The following DEFB1 variants were observed in gnomAD, a reference collection of about 807,000 sequenced individuals.
DEFB1 encodes beta-defensin 1.
DEFB1 carries 4 observed loss-of-function variants against 2.6 expected under a neutral mutation model. That is an observed-to-expected ratio of 1.53 (90% CI 0.76 to 3.51). DEFB1 has a LOEUF of 3.51. Ranked by LOEUF, DEFB1 falls within the 30% of genes most tolerant of loss-of-function variation. The pLI is 0.01. For synonymous variants in DEFB1, 56 were observed against 28.5 expected (o/e 1.96, Z -3.07); for missense variants, 162 against 76.9 (o/e 2.11, Z -4.14).
At chr8:6,874,414 T>C (rs1011572522) in intron 1 of DEFB1, among the ~76,000 whole-genome samples, 2 of 152,244 alleles carry the variant, frequency 1.3e-5, no homozygotes, top group Non-Finnish European at 2.9e-5. Flanking sequence ...CCAGAGGTTC[T>C]AATTTGACAA....
intron 1 of DEFB1, among the ~76,000 whole-genome samples, chr8:6,877,166 G>A (rs1176138990): frequency 6.6e-6 from 1 of 152,164 alleles, no homozygotes; most frequent in Non-Finnish European, 1.5e-5. Flanking sequence ...GATTCCTCCT[G>A]CACGTCCCAC....
At chr8:6,876,252 G>A (rs1267259437) in intron 1 of DEFB1, among the ~76,000 whole-genome samples, 1 of 152,118 alleles carries the variant, frequency 6.6e-6, no homozygotes, top group Non-Finnish European at 1.5e-5. Context: ...GGAGGCAGGC[G>A]GACCATGAGG....
intron 1 of DEFB1, among the ~76,000 whole-genome samples, chr8:6,871,327 G>C (rs1008184779): frequency 6.6e-6 from 1 of 152,014 alleles, no homozygotes; most frequent in Non-Finnish European, 1.5e-5. Context: ...GTTTCACATC[G>C]GGCTGAAATT....
chr8:6,877,010 A>G (rs760900601), intron 1 of DEFB1, among the ~76,000 whole-genome samples: 10 of 152,310 alleles, frequency 6.6e-5, no homozygotes, highest in East Asian at 1.9e-4. Flanking sequence ...GAAACTTACA[A>G]TAGGATCTTA....
In DEFB1 at chr8:6,873,220, G is replaced by A. The variant is rs550276205; in HGVS notation, c.62-2394C>T. 4.6e-5 allele frequency among the ~76,000 whole-genome samples: 7 copies of A among 152,318 alleles called. No individual in the cohort carries two copies. In the South Asian group the frequency reaches 1.5e-3, roughly 32 times the overall value. ...TCCAGTGATGTCCCCAGAGCATGTA[G>A]CTGGTCAAAGACCAACCCCGGACCA... is the stretch of plus-strand genomic sequence containing the variant. On this transcript the variant is annotated intron_variant, in intron 1 of 1. Transcript: ENST00000297439.
At chr8:6,877,632 G>T (rs947644752) in intron 1 of DEFB1, among the ~76,000 whole-genome samples, 165 bp downstream of exon 1, 2 of 152,328 alleles carry the variant, frequency 1.3e-5, no homozygotes, top group East Asian at 1.9e-4. Context: ...GCTTGGCAGG[G>T]CTTGCCTGCT....
intron 1 of DEFB1, among the ~76,000 whole-genome samples, chr8:6,877,165 T>C (rs2702945): frequency 0.71 from 107,552 of 152,166 alleles, 38,971 homozygotes; most frequent in East Asian, 0.85. Context: ...CGATTCCTCC[T>C]GCACGTCCCA....
chr8:6,871,957 A>C (rs1348921786), intron 1 of DEFB1, among the ~76,000 whole-genome samples: 1 of 152,348 alleles, frequency 6.6e-6, no homozygotes, highest in South Asian at 2.1e-4. Context: ...CCTAGGAGAC[A>C]GTACATTCTC....
At chr8:6,875,237 A>G (rs1019908389) in intron 1 of DEFB1, among the ~76,000 whole-genome samples, 1 of 152,198 alleles carries the variant, frequency 6.6e-6, no homozygotes, top group Non-Finnish European at 1.5e-5. Flanking sequence ...TAGAAAGTGC[A>G]GTAACCTTAC....
At chr8:6,874,161 A>G (rs978394251) in intron 1 of DEFB1, among the ~76,000 whole-genome samples, 2 of 151,356 alleles carry the variant, frequency 1.3e-5, no homozygotes, top group Non-Finnish European at 2.9e-5. Context: ...ACACACGCAC[A>G]TGTGCACTTT....
At position 6,873,906 on chromosome 8, in the gene DEFB1, G is replaced by A. The variant is rs5743468; in HGVS notation, c.62-3080C>T. Among the ~76,000 whole-genome samples the A allele has an allele frequency of 8.9e-3, 1,359 of 152,268 alleles. 26 individuals are homozygous for A. Among genetic ancestry groups the A allele is most frequent in the African/African-American group, 0.031 (1,296 of 41,538 alleles). On this transcript the variant is annotated intron_variant, in intron 1 of 1. Coordinates refer to ENST00000297439, the MANE Select transcript of DEFB1 (RefSeq NM_005218.4). ...GTTCCTTCCTGTTGGAGCAGTCTATGCTGCTTTCAGTCTAGGGGCCTTTTA... is the reference window on the plus strand; with the variant it reads ...GTTCCTTCCTGTTGGAGCAGTCTATACTGCTTTCAGTCTAGGGGCCTTTTA...
intron 1 of DEFB1, among the ~76,000 whole-genome samples, chr8:6,877,114 A>T (rs2117220265): frequency 6.6e-6 from 1 of 152,206 alleles, no homozygotes; most frequent in East Asian, 1.9e-4. Context: ...GCACCATGTG[A>T]CTCGTGTGAA....
intron 1 of DEFB1, among the ~76,000 whole-genome samples, chr8:6,872,322 G>C (rs1431258114): frequency 6.6e-6 from 1 of 152,316 alleles, no homozygotes; most frequent in South Asian, 2.1e-4. Flanking sequence ...TTCTCTTTTA[G>C]GTTAATTGAA....
At chr8:6,872,328 T>C (rs755607081) in intron 1 of DEFB1, among the ~76,000 whole-genome samples, 2 of 152,256 alleles carry the variant, frequency 1.3e-5, no homozygotes, top group Non-Finnish European at 2.9e-5. Context: ...TTTAGGTTAA[T>C]TGAAATCACC....
intron 1 of DEFB1, among the ~76,000 whole-genome samples, chr8:6,877,552 C>T (rs2293959): frequency 0.82 from 124,437 of 152,258 alleles, 51,073 homozygotes; most frequent in Middle Eastern, 0.89. Context: ...GACAAGGATG[C>T]AGGCAGCTGC....
intron 1 of DEFB1, 29 bp from the exon 2 acceptor site, chr8:6,870,855 A>G: frequency 6.3e-7 from 1 of 1,582,042 alleles, no homozygotes; most frequent in Non-Finnish European, 8.6e-7. Flanking sequence ...AACACTTCAG[A>G]CTCATGGCTT....
chr8:6,871,914 C>A (rs1422775007), intron 1 of DEFB1, among the ~76,000 whole-genome samples: 1 of 152,142 alleles, frequency 6.6e-6, no homozygotes, highest in Non-Finnish European at 1.5e-5. Flanking sequence ...AATCTGGTAG[C>A]CTGAGCGGAC....
At chr8:6,877,728 C>A in intron 1 of DEFB1, 69 bp downstream of exon 1, 1 of 1,413,890 alleles carries the variant, frequency 7.1e-7, no homozygotes, top group Non-Finnish European at 1.0e-6. Context: ...GGCAGCCATC[C>A]GAGACTCACA....
chr8:6,875,504 A>G (rs910801978), intron 1 of DEFB1, among the ~76,000 whole-genome samples: 12 of 152,232 alleles, frequency 7.9e-5, no homozygotes, highest in Non-Finnish European at 1.5e-4. Context: ...GCCTGTAACT[A>G]TGTATAAAAG....
Sources: allele counts gnomAD v4.1 joint callset (sites outside exome capture counted in the v4.1 genomes callset), GRCh38; gene constraint gnomAD v4.1.1; transcripts MANE v1.5; gene names NCBI Gene and HGNC (gene_info 2026-07-23, HGNC 2026-07-21).